The following CRB1 variants were observed in gnomAD, a reference collection of about 807,000 sequenced individuals.
The protein encoded by CRB1 is crumbs cell polarity complex component 1.
Under a neutral mutation model 120.0 loss-of-function variants are expected in CRB1, and 83 were observed. The observed-to-expected ratio is 0.69, with a 90% CI of 0.58 to 0.83. CRB1 has a LOEUF of 0.83. Ranked by LOEUF, CRB1 falls within the 40% of genes least tolerant of loss-of-function variation. CRB1 has a pLI of 0.00. For synonymous variants in CRB1, 625 were observed against 612.5 expected (o/e 1.02, Z -0.30); for missense variants, 1,699 against 1,687.6 (o/e 1.01, Z -0.12).
chr1:197,471,649 G>A (rs1328815997), intron 11 of CRB1, among the ~76,000 whole-genome samples: 1 of 152,144 alleles, frequency 6.6e-6, no homozygotes, highest in African/African-American at 2.4e-5. Flanking sequence ...CACTTCCCGA[G>A]TTCTCTCTTT....
Position 197,268,297 on chromosome 1 carries a change from A to T in CRB1, c.-116A>T. Reference sequence around the variant, plus strand: ...AGGAGCTGTAAGTAGGGTGGGACAGAGATGGCACCTGGGGGTTCTGAGGCA... The same window carrying T: ...AGGAGCTGTAAGTAGGGTGGGACAGTGATGGCACCTGGGGGTTCTGAGGCA... On this transcript the variant is annotated 5_prime_UTR_variant, in exon 1 of 12. Transcript: ENST00000367400. 2 of 782,704 alleles carry T rather than the reference A, an allele frequency of 2.6e-6. No homozygotes were observed. The highest frequency in any genetic ancestry group is 2.4e-6 in the Non-Finnish European group (1 of 425,032). The allele number at this position is 782,704 out of a possible 1,614,324, so 48.5% of individuals were successfully genotyped here.
At chr1:197,429,043 T>G (rs771782782) in intron 7 of CRB1, 1 of 1,497,768 alleles carries the variant, frequency 6.7e-7, no homozygotes. Flanking sequence ...AGTTTCACTG[T>G]TTCGCTTCTG....
At chr1:197,252,119 T>C in the CRB1 span, among the ~76,000 whole-genome samples, 2 of 151,842 alleles carry the variant, frequency 1.3e-5, no homozygotes, top group Non-Finnish European at 2.9e-5. Flanking sequence ...TATTTTAGGC[T>C]TTGTGGGCCC....
intron 1 of CRB1, among the ~76,000 whole-genome samples, chr1:197,298,569 A>G (rs1656676092): frequency 6.6e-6 from 1 of 152,154 alleles, no homozygotes; most frequent in African/African-American, 2.4e-5. Flanking sequence ...AACAAAGAAT[A>G]AAACTGGCTA....
At chr1:197,468,065 C>A (rs1046227120) in intron 11 of CRB1, among the ~76,000 whole-genome samples, 5 of 152,160 alleles carry the variant, frequency 3.3e-5, no homozygotes, top group African/African-American at 1.2e-4. Flanking sequence ...TAAAGTTTCC[C>A]AGGCATGCAG....
the CRB1 span, among the ~76,000 whole-genome samples, chr1:197,218,770 G>A: frequency 6.6e-6 from 1 of 152,160 alleles, no homozygotes; most frequent in African/African-American, 2.4e-5. Context: ...ATAATGGACT[G>A]GAAGTAGTAC....
intron 1 of CRB1, among the ~76,000 whole-genome samples, chr1:197,288,021 T>A (rs906021721): frequency 6.6e-6 from 1 of 151,794 alleles, no homozygotes; most frequent in Non-Finnish European, 1.5e-5. Flanking sequence ...TGAGAGAGTT[T>A]CCGGGCAACA....
chr1:197,361,687 A>T (rs1571394529), intron 5 of CRB1, among the ~76,000 whole-genome samples: 1 of 151,688 alleles, frequency 6.6e-6, no homozygotes. Flanking sequence ...TCTCTGTTTT[A>T]TTCCTAATTT....
chr1:197,360,834 C>A (rs1051853792), intron 5 of CRB1, among the ~76,000 whole-genome samples: 4 of 152,158 alleles, frequency 2.6e-5, no homozygotes, highest in African/African-American at 9.7e-5. Flanking sequence ...TGAGAGCAGA[C>A]GTCTTGCTTC....
chr1:197,255,391 G>A, the CRB1 span, among the ~76,000 whole-genome samples: 1 of 151,986 alleles, frequency 6.6e-6, no homozygotes. Flanking sequence ...TCTGTTCTAT[G>A]CTGCACTGGG....
intron 1 of CRB1, among the ~76,000 whole-genome samples, chr1:197,297,342 G>T (rs1239186203): frequency 6.6e-6 from 1 of 151,982 alleles, no homozygotes; most frequent in Non-Finnish European, 1.5e-5. Context: ...GTCTTTGGGA[G>T]TTAGAGTCCA....
In CRB1 at chr1:197,386,924, T is replaced by C. The variant is rs555789970; in HGVS notation, c.1171+29911T>C. Reference sequence around the variant, plus strand: ...CAATTCCATAGTAATAGCTATGTTTTTCTATAGCCATGAGTATTGGCTACG... The same window carrying C: ...CAATTCCATAGTAATAGCTATGTTTCTCTATAGCCATGAGTATTGGCTACG... On this transcript the variant is annotated intron_variant, in intron 5 of 11. Coordinates refer to ENST00000367400, the MANE Select transcript of CRB1 (RefSeq NM_201253.3). Among the ~76,000 whole-genome samples, 307 of 152,284 alleles carry C rather than the reference T, an allele frequency of 2.0e-3. 2 individuals carry two copies. The highest frequency in any genetic ancestry group is 3.6e-3 in the Non-Finnish European group (243 of 68,012).
chr1:197,461,626 G>A (rs1445310460), intron 11 of CRB1, among the ~76,000 whole-genome samples: 6 of 152,106 alleles, frequency 3.9e-5, no homozygotes, highest in Admixed American at 3.9e-4. Context: ...TCCTTTTAAA[G>A]ACCTGTCCAC....
At chr1:197,435,803 A>C (rs1252148173) in intron 9 of CRB1, among the ~76,000 whole-genome samples, 191 bp downstream of exon 9, 1 of 152,116 alleles carries the variant, frequency 6.6e-6, no homozygotes, top group African/African-American at 2.4e-5. Context: ...TACAGGTCAG[A>C]AAGGTAGTGT....
At chr1:197,353,800 CAA>C (rs1660246160) in intron 4 of CRB1, among the ~76,000 whole-genome samples, 1 of 97,310 alleles carries the variant, frequency 1.0e-5, no homozygotes, top group African/African-American at 4.0e-5. Flanking sequence ...GACTCCGTCT[CAA>C]AAATATATAA....
the CRB1 span, among the ~76,000 whole-genome samples, chr1:197,262,921 A>G: frequency 8.4e-4 from 128 of 152,260 alleles, 2 homozygotes; most frequent in East Asian, 0.022. Context: ...ACTTTATCCA[A>G]TCCATCGTTG....
intron 3 of CRB1, among the ~76,000 whole-genome samples, chr1:197,345,184 C>T (rs573371708): frequency 3.3e-5 from 5 of 152,216 alleles, no homozygotes; most frequent in African/African-American, 9.6e-5. Context: ...ATTTAAGCCA[C>T]GATGCTGAGT....
chr1:197,326,714 G>T (rs986845945), intron 1 of CRB1, among the ~76,000 whole-genome samples: 3 of 151,964 alleles, frequency 2.0e-5, no homozygotes, highest in Non-Finnish European at 4.4e-5. Context: ...GGGAGCTGGG[G>T]AACAGAACCT....
chr1:197,453,920 A>G (rs1473414974), intron 11 of CRB1, among the ~76,000 whole-genome samples: 1 of 35,260 alleles, frequency 2.8e-5, no homozygotes, highest in Admixed American at 2.9e-4. Flanking sequence ...TATATTATTG[A>G]TATTATTATA....
Sources: gnomAD v4.1 joint callset for allele counts (sites outside exome capture counted in the v4.1 genomes callset) on GRCh38, gnomAD v4.1.1 for gene constraint, MANE v1.5 for transcripts, NCBI Gene and HGNC (gene_info 2026-07-23, HGNC 2026-07-21) for gene names.